The following ENOX1 variants were observed in gnomAD, a reference collection of about 807,000 sequenced individuals.
ENOX1 encodes the protein ecto-NOX disulfide-thiol exchanger 1, also known as candidate growth-related and time keeping constitutive hydroquinone (NADH) oxidase.
A neutral mutation model predicts 82.5 loss-of-function variants in ENOX1; 42 were observed. That is an observed-to-expected ratio of 0.51 (90% confidence interval 0.40 to 0.66). The LOEUF is 0.66. Ranked by LOEUF, ENOX1 falls within the 30% of genes least tolerant of loss-of-function variation. The probability of loss-of-function intolerance (pLI) is 0.00; values close to 1 mark genes in which losing one functional copy is unlikely to be tolerated. For synonymous variants in ENOX1, 271 were observed against 282.2 expected, an observed-to-expected ratio of 0.96 and a Z score of 0.40; for missense variants, 608 against 811.6, an observed-to-expected ratio of 0.75 and a Z score of 3.05.
Position 43,617,346 on chromosome 13 carries a change from G to A in ENOX1, c.-219+50133C>T, listed in dbSNP as rs146362794. 3.2e-3 allele frequency among the ~76,000 whole-genome samples: 484 copies of A among 152,206 alleles called. 1 individual carries two copies. The highest frequency in any genetic ancestry group is 5.1e-3 in the Admixed American group (78 of 15,288). On this transcript the variant is annotated intron_variant, in intron 2 of 16. Coordinates refer to ENST00000690772, the MANE Select transcript of ENOX1 (RefSeq NM_001347969.2). ...GACAAATCCCTGTTATGAAAATTGC[G>A]GGATAAAACTTTGGAACACAATACC...
intron 2 of ENOX1, among the ~76,000 whole-genome samples, chr13:43,604,832 T>G (rs2081908620): frequency 6.6e-6 from 1 of 152,176 alleles, no homozygotes; most frequent in South Asian, 2.1e-4. Flanking sequence ...AAGTCAAATT[T>G]TTTGGTTGCA....
At chr13:43,556,761 C>T (rs550228719) in intron 2 of ENOX1, among the ~76,000 whole-genome samples, 3 of 149,706 alleles carry the variant, frequency 2.0e-5, no homozygotes, top group East Asian at 2.0e-4. Flanking sequence ...TAAGTGGGTA[C>T]ATAAGTCACC....
chr13:43,339,647 T>C (rs1222468571), intron 9 of ENOX1, among the ~76,000 whole-genome samples: 1 of 152,152 alleles, frequency 6.6e-6, no homozygotes, highest in East Asian at 1.9e-4. Flanking sequence ...TACCATGGAA[T>C]GCCATGAAGG....
intron 2 of ENOX1, among the ~76,000 whole-genome samples, chr13:43,608,543 G>C (rs2153735811): frequency 6.6e-6 from 1 of 152,212 alleles, no homozygotes; most frequent in Middle Eastern, 3.4e-3. Context: ...GATGTTCTGG[G>C]CCACAACAAT....
intron 1 of ENOX1, among the ~76,000 whole-genome samples, chr13:43,739,531 C>T (rs2089796697): frequency 6.6e-6 from 1 of 151,428 alleles, no homozygotes; most frequent in African/African-American, 2.4e-5. Flanking sequence ...CCTGGGCAAC[C>T]AGAGTGAGAG....
rs114117633 is a variant in ENOX1, at chr13:43,635,349, A to G, written c.-219+32130T>C. ...AGCATGAAAGCTGAAGCAATTTATCAAAATTATCCTTTCTACTGATGAGCA... is the reference window on the plus strand; with the variant it reads ...AGCATGAAAGCTGAAGCAATTTATCGAAATTATCCTTTCTACTGATGAGCA... On this transcript the variant is annotated intron_variant, in intron 2 of 16. Coordinates refer to ENST00000690772, the MANE Select transcript of ENOX1 (RefSeq NM_001347969.2). Among the ~76,000 whole-genome samples, 646 of 152,342 alleles carry G rather than the reference A, an allele frequency of 4.2e-3. 5 individuals carry two copies. The highest frequency in any genetic ancestry group is 0.015 in the African/African-American group (619 of 41,578).
rs1307346238 is a variant in ENOX1, at chr13:43,786,958, C to A, written c.-591G>T. 6.7e-6 allele frequency: 1 copy of A among 150,014 alleles called. No individual in the cohort carries two copies. The highest frequency in any genetic ancestry group is 2.5e-5 in the African/African-American group (1 of 40,774). 9.3% of individuals were successfully genotyped at this position (150,014 alleles called of 1,614,324 possible). On this transcript the variant is annotated 5_prime_UTR_variant, in exon 1 of 17. Coordinates refer to ENST00000690772, the MANE Select transcript of ENOX1 (RefSeq NM_001347969.2). This position sits in a 1 kb window ranked among gnomAD's most constrained non-coding sequence, Gnocchi z 6.0. ...CTGGAGGCGCGCGGGCGTGCGCACG[C>A]GCGCCTGCGAGTGTGAGTGTATGGG...
intron 8 of ENOX1, among the ~76,000 whole-genome samples, chr13:43,350,984 G>T (rs1310033605): frequency 6.6e-6 from 1 of 152,170 alleles, no homozygotes; most frequent in East Asian, 1.9e-4. Flanking sequence ...GAAATGGAGG[G>T]ACACACACAT....
intron 5 of ENOX1, among the ~76,000 whole-genome samples, chr13:43,368,664 G>C (rs892476046): frequency 4.6e-5 from 7 of 152,184 alleles, no homozygotes; most frequent in Non-Finnish European, 1.0e-4. Context: ...ACACTCTTAA[G>C]ACACAGTGGG....
At chr13:43,670,179 T>C (rs959240735) in intron 1 of ENOX1, among the ~76,000 whole-genome samples, 2 of 152,166 alleles carry the variant, frequency 1.3e-5, no homozygotes, top group African/African-American at 4.8e-5. Context: ...TAGGAAGCCT[T>C]ACAAGTTACA....
At chr13:43,683,508 T>C (rs1370463961) in intron 1 of ENOX1, among the ~76,000 whole-genome samples, 2 of 152,048 alleles carry the variant, frequency 1.3e-5, no homozygotes, top group African/African-American at 4.8e-5. Context: ...GATTTAAAAA[T>C]ACACCAACTT....
chr13:43,575,180 G>A (rs2080364199), intron 2 of ENOX1, among the ~76,000 whole-genome samples: 1 of 152,192 alleles, frequency 6.6e-6, no homozygotes, highest in South Asian at 2.1e-4. Flanking sequence ...GAAACCTCGT[G>A]AAGTCCTCTT....
At chr13:43,689,299 G>C (rs2086230369) in intron 1 of ENOX1, among the ~76,000 whole-genome samples, 1 of 152,172 alleles carries the variant, frequency 6.6e-6, no homozygotes, top group Admixed American at 6.5e-5. Context: ...TAAAGCATGA[G>C]ACCAAGGTCA....
intron 2 of ENOX1, among the ~76,000 whole-genome samples, chr13:43,575,136 G>C (rs867223023): frequency 6.6e-6 from 1 of 152,152 alleles, no homozygotes. Flanking sequence ...GGAGTGAATC[G>C]CTTGGCCCTT....
chr13:43,288,526 A>C (rs2045828435), intron 12 of ENOX1, among the ~76,000 whole-genome samples: 1 of 152,124 alleles, frequency 6.6e-6, no homozygotes, highest in Non-Finnish European at 1.5e-5. Flanking sequence ...ATATTTGACT[A>C]CTTGTACATG....
At chr13:43,757,984 C>A (rs899497034) in intron 1 of ENOX1, among the ~76,000 whole-genome samples, 1 of 152,088 alleles carries the variant, frequency 6.6e-6, no homozygotes, top group Non-Finnish European at 1.5e-5. Context: ...CCTGTAATCC[C>A]AGCACTTTGG....
chr13:43,315,680 AT>A (rs1276656007), intron 11 of ENOX1, among the ~76,000 whole-genome samples: 3 of 152,216 alleles, frequency 2.0e-5, no homozygotes, highest in African/African-American at 7.2e-5. Context: ...TGACACTAAA[AT>A]AAATGTAAAT....
At chr13:43,346,617 A>C (rs187295748) in intron 8 of ENOX1, among the ~76,000 whole-genome samples, 283 of 152,340 alleles carry the variant, frequency 1.9e-3, no homozygotes, top group African/African-American at 6.5e-3. Flanking sequence ...CTCCAGCTGC[A>C]ATGGTTTCTT....
chr13:43,557,184 A>G (rs1460838532), intron 2 of ENOX1, among the ~76,000 whole-genome samples: 1 of 152,228 alleles, frequency 6.6e-6, no homozygotes, highest in Non-Finnish European at 1.5e-5. Context: ...ATAGAGAGTC[A>G]GGAGAATTCT....
Sources: gnomAD v4.1 joint callset for allele counts (sites outside exome capture counted in the v4.1 genomes callset) on GRCh38, gnomAD v4.1.1 for gene constraint, Gnocchi (gnomAD v3.1) non-coding constraint, MANE v1.5 for transcripts, NCBI Gene and HGNC (gene_info 2026-07-23, HGNC 2026-07-21) for gene names.